The following URB1 variants were observed in gnomAD, a reference collection of about 807,000 sequenced individuals.
The protein encoded by URB1 is nucleolar pre-ribosomal-associated protein 1.
A neutral mutation model predicts 242.3 loss-of-function variants in URB1; 197 were observed. That is an observed-to-expected ratio of 0.81 (90% CI 0.72 to 0.91). The LOEUF (loss-of-function observed/expected upper bound fraction) is 0.91, where lower values mean the gene tolerates loss of function less well. Ranked by LOEUF, URB1 falls within the 40% of genes least tolerant of loss-of-function variation. URB1 has a pLI of 0.00. For missense variants in URB1, 2,721 were observed against 2,860.5 expected (o/e 0.95, Z 1.11); for synonymous variants, 1,153 against 1,201.8 (o/e 0.96, Z 0.84).
chr21:32,385,711 T>G (rs1442735647), intron 1 of URB1, 27 bp from the exon 2 acceptor site: 3 of 1,549,360 alleles, frequency 1.9e-6, no homozygotes, highest in Non-Finnish European at 1.7e-6. Flanking sequence ...GTTCAAACAT[T>G]AACAAGGTCA....
chr21:32,321,958 A>G lies in URB1; in HGVS notation c.5341-14T>C. The G allele has an allele frequency of 6.5e-7, 1 of 1,549,960 alleles. No individual in the cohort carries two copies. ...CTCTGTTTTTTGCTATAACCCAGGCACACAAAAAACTGTTGTTAATAAGTG... is the reference window on the plus strand; with the variant it reads ...CTCTGTTTTTTGCTATAACCCAGGCGCACAAAAAACTGTTGTTAATAAGTG... On this transcript the variant is annotated splice_polypyrimidine_tract_variant and intron_variant, in intron 33 of 38. Coordinates refer to ENST00000382751, the MANE Select transcript of URB1 (RefSeq NM_014825.3).
At chr21:32,344,202 AT>A (rs1471864396) in intron 24 of URB1, among the ~76,000 whole-genome samples, 6 of 152,240 alleles carry the variant, frequency 3.9e-5, no homozygotes, top group Admixed American at 3.9e-4. Context: ...ATATATAAAA[AT>A]AACACATCAA....
chr21:32,382,958 G>A (rs570637252), intron 4 of URB1, among the ~76,000 whole-genome samples: 3 of 152,334 alleles, frequency 2.0e-5, no homozygotes, highest in Admixed American at 6.5e-5. Context: ...GTAACTGGGA[G>A]GCAAAAGTCA....
intron 28 of URB1, among the ~76,000 whole-genome samples, chr21:32,334,823 T>C (rs1462639170): frequency 6.6e-6 from 1 of 152,176 alleles, no homozygotes; most frequent in Non-Finnish European, 1.5e-5. Context: ...TGCTCACATG[T>C]GGCCACGAGT....
chr21:32,372,804 A>G (rs2033420838), intron 7 of URB1, among the ~76,000 whole-genome samples, 173 bp from the exon 8 acceptor site: 1 of 152,242 alleles, frequency 6.6e-6, no homozygotes, highest in African/African-American at 2.4e-5. Flanking sequence ...TACACCGATC[A>G]AGATAAAAGA....
intron 13 of URB1, 58 bp from the exon 14 acceptor site, chr21:32,359,966 T>C (rs1305502886): frequency 2.6e-5 from 38 of 1,471,018 alleles, no homozygotes; most frequent in Non-Finnish European, 1.8e-5. Context: ...TGCCCAACAA[T>C]TGCTGCCCTG....
chr21:32,392,403 T>C (rs2033649602), intron 1 of URB1, among the ~76,000 whole-genome samples: 1 of 152,174 alleles, frequency 6.6e-6, no homozygotes, highest in Admixed American at 6.5e-5. Context: ...AGTAGCAAAC[T>C]GTCTCATGAA....
Position 32,333,361 on chromosome 21 carries a change from T to A in URB1, c.4916A>T (p.Asp1639Val). The change falls in exon 30 of 39, where the codon GAC becomes GTC. Residue 1639 changes from aspartate (D) to valine (V), a missense_variant. By Grantham distance (152) the Asp-to-Val change is radical. Transcript: ENST00000382751. ...KSRVDLDGLY[D>V]PCFLLQLFSE... ...GAAGAGCTGAAGGAGAAAGCAGGGGTCATAGAGGCCATCAAGATCCACCCT... is the reference window on the plus strand; with the variant it reads ...GAAGAGCTGAAGGAGAAAGCAGGGGACATAGAGGCCATCAAGATCCACCCT... 2.6e-6 allele frequency: 4 copies of A among 1,551,652 alleles called. No individual in the cohort carries two copies. Among genetic ancestry groups the A allele is most frequent in the Non-Finnish European group, 3.5e-6 (4 of 1,147,012 alleles).
chr21:32,380,749 C>T (rs2033513862), intron 4 of URB1, among the ~76,000 whole-genome samples: 1 of 152,214 alleles, frequency 6.6e-6, no homozygotes, highest in African/African-American at 2.4e-5. Flanking sequence ...AATGCTAAAA[C>T]TTGCCTGGCA....
chr21:32,335,581 T>C (rs1871637318), intron 28 of URB1: 1 of 152,294 alleles, frequency 6.6e-6, no homozygotes. Context: ...TAAATACAGG[T>C]TCGCTTCTGT....
At chr21:32,387,503 T>G (rs115917081) in intron 1 of URB1, among the ~76,000 whole-genome samples, 1 of 150,238 alleles carries the variant, frequency 6.7e-6, no homozygotes, top group African/African-American at 2.5e-5. Flanking sequence ...AGGCAGGGCA[T>G]GGCAGTGGGT....
At chr21:32,330,054 T>C (rs1456966037) in intron 30 of URB1, among the ~76,000 whole-genome samples, 1 of 152,218 alleles carries the variant, frequency 6.6e-6, no homozygotes, top group East Asian at 1.9e-4. Flanking sequence ...ACTATTTTAG[T>C]GCCAGGAATT....
At chr21:32,377,073 T>C (rs931254367) in intron 5 of URB1, 3 of 444,216 alleles carry the variant, frequency 6.8e-6, no homozygotes, top group Admixed American at 2.6e-5. Flanking sequence ...ATATAAATAT[T>C]ATTCCCTAAC....
At position 32,353,927 on chromosome 21, in the gene URB1, A is replaced by AG; in HGVS notation, c.2416+5dup. 6.4e-7 allele frequency: 1 copy of AG among 1,551,544 alleles called. No individual in the cohort carries two copies. The highest frequency in any genetic ancestry group is 8.7e-7 in the Non-Finnish European group (1 of 1,146,898). The stretch of plus-strand genomic sequence containing the variant: ...CAGCCAAGACATCCTGACTATACAT[A>AG]GGTACCTGCTTCATTGCCTGTCCCA... On this transcript the variant is annotated splice_donor_region_variant and intron_variant, in intron 18 of 38. Transcript: ENST00000382751.
Position 32,350,700 on chromosome 21 carries a change from T to G in URB1, c.2832+4A>C, listed in dbSNP as rs771548125. On this transcript the variant is annotated splice_donor_region_variant and intron_variant, in intron 20 of 38. Transcript: ENST00000382751. Reference sequence around the variant, plus strand: ...AGCCTGTGGAGGATGGGGGCAACGCTGACCTGGCCGAAGTTCTCCACAGTG... The same window carrying G: ...AGCCTGTGGAGGATGGGGGCAACGCGGACCTGGCCGAAGTTCTCCACAGTG... The G allele has an allele frequency of 7.1e-6, 11 of 1,550,780 alleles. No individual in the cohort carries two copies. Among genetic ancestry groups the G allele is most frequent in the Non-Finnish European group, 9.6e-6 (11 of 1,146,514 alleles).
intron 30 of URB1, chr21:32,333,100 C>A (rs2032915078): frequency 5.9e-6 from 3 of 510,332 alleles, no homozygotes; most frequent in Non-Finnish European, 1.0e-5. Context: ...TTTAAAATTA[C>A]AATTTTTTTT....
chr21:32,348,331 G>A (rs567659778), intron 21 of URB1, among the ~76,000 whole-genome samples: 5 of 152,264 alleles, frequency 3.3e-5, no homozygotes, highest in East Asian at 3.9e-4. Context: ...CCATGTGTCC[G>A]GGGAAAGTGG....
chr21:32,355,283 T>C (rs749339378), intron 16 of URB1, among the ~76,000 whole-genome samples, 166 bp downstream of exon 16: 27 of 152,364 alleles, frequency 1.8e-4, no homozygotes, highest in Middle Eastern at 3.4e-3. Context: ...ATACGTATTT[T>C]ACAGATTCTA....
chr21:32,352,745 T>C lies in URB1; in HGVS notation c.2578A>G (p.Ser860Gly). The part of the protein sequence containing the change: ...QQLSRFNRYY[S>G]LWIPEQAREA... ...CGGGCTTGCTCCGGGATCCAGAGGC[T>C]GTAGTATCTGTTAAACCGTGAGAGC... Residue 860 changes from serine to glycine, a missense_variant, in exon 19 of 39, where the codon AGC (serine) becomes GGC (glycine). Physicochemically the swap from Ser to Gly is moderately conservative, Grantham distance 56 (BLOSUM62 0). Transcript: ENST00000382751. The C allele has an allele frequency of 1.3e-6, 2 of 1,551,652 alleles. No homozygotes were observed. Among genetic ancestry groups the C allele is most frequent in the Non-Finnish European group, 8.7e-7 (1 of 1,146,980 alleles).
Sources: gnomAD v4.1 joint callset for allele counts (sites outside exome capture counted in the v4.1 genomes callset) on GRCh38, gnomAD v4.1.1 for gene constraint, MANE v1.5 for transcripts, NCBI Gene and HGNC (gene_info 2026-07-23, HGNC 2026-07-21) for gene names.